TOX2: variants seen among roughly 807,000 people sequenced by gnomAD.
TOX2 encodes TOX high mobility group box family member 2.
TOX2 carries 15 observed loss-of-function variants against 47.4 expected under a neutral mutation model. The observed-to-expected ratio is 0.32, with a 90% CI of 0.21 to 0.49. The LOEUF (loss-of-function observed/expected upper bound fraction) is 0.49. Among genes scored for constraint, TOX2 ranks in the 20% least tolerant of loss-of-function variants. The pLI is 0.99. For missense variants in TOX2, 622 were observed against 673.1 expected (o/e 0.92, Z 0.84); for synonymous variants, 290 against 296.6 (o/e 0.98, Z 0.23).
Position 43,915,323 on chromosome 20 carries a change from A to G in TOX2, c.99+333A>G, listed in dbSNP as rs1376558065. Among the ~76,000 whole-genome samples, 1 of 152,130 alleles carries G rather than the reference A, an allele frequency of 6.6e-6. No individual in the cohort carries two copies. Among genetic ancestry groups the G allele is most frequent in the Non-Finnish European group, 1.5e-5 (1 of 68,006 alleles). ...TTACACGGTCCCGCCGTCCCACGCAAGTCACCCTGACAGTCACTTATACAC... is the reference window on the plus strand; with the variant it reads ...TTACACGGTCCCGCCGTCCCACGCAGGTCACCCTGACAGTCACTTATACAC... On this transcript the variant is annotated intron_variant, in intron 1 of 8. Coordinates refer to ENST00000341197, the MANE Select transcript of TOX2 (RefSeq NM_001098797.2). The surrounding 1 kb of genome is among the most constrained non-coding windows in gnomAD (Gnocchi z 7.1).
rs745489872 is a variant in TOX2 at position 43,951,707 on chromosome 20, G to GGTTTTTTTTTTTTTTTTTTTTTTTTT, written c.100-21660_100-21659insGTTTTTTTTTTTTTTTTTTTTTTTTT. On this transcript the variant is annotated intron_variant, in intron 1 of 8. Transcript: ENST00000341197. Reference sequence around the variant, plus strand: ...TGACCATTACTATTAAACTTATTATGTTTTTTTTTTTTTTTTTTTTTAGAG... The same window carrying GGTTTTTTTTTTTTTTTTTTTTTTTTT: ...TGACCATTACTATTAAACTTATTATGGTTTTTTTTTTTTTTTTTTTTTTTTTTTTTTTTTTTTTTTTTTTTTTAGAG... Among the ~76,000 whole-genome samples, 18 of 55,090 alleles carry GGTTTTTTTTTTTTTTTTTTTTTTTTT rather than the reference G, an allele frequency of 3.3e-4. 2 individuals are homozygous for GGTTTTTTTTTTTTTTTTTTTTTTTTT. The highest frequency in any genetic ancestry group is 2.1e-3 in the East Asian group (4 of 1,890). The allele number at this position is 55,090 out of a possible 152,430, so 36.1% of individuals were successfully genotyped here. A position where few individuals can be genotyped will look rare whatever the true frequency, so the allele number is the denominator to read the frequency against.
intron 1 of TOX2, among the ~76,000 whole-genome samples, chr20:43,946,568 C>T (rs934068330): frequency 2.6e-5 from 4 of 152,198 alleles, no homozygotes; most frequent in African/African-American, 9.7e-5. Flanking sequence ...ATAAAAATTT[C>T]TTGCCAAATT....
chr20:43,981,158 T>C (rs1222710959), intron 2 of TOX2, among the ~76,000 whole-genome samples: 1 of 152,226 alleles, frequency 6.6e-6, no homozygotes, highest in Non-Finnish European at 1.5e-5. Flanking sequence ...ATCCAAAGGT[T>C]TGATAACACA....
chr20:43,972,538 C>T (rs995852643), intron 1 of TOX2, among the ~76,000 whole-genome samples: 1 of 152,128 alleles, frequency 6.6e-6, no homozygotes. Context: ...GAATTAAGTC[C>T]TCTCCATATT....
At chr20:44,038,987 C>T (rs548682470) in intron 3 of TOX2, 89 of 1,196,270 alleles carry the variant, frequency 7.4e-5, no homozygotes, top group African/African-American at 6.8e-4. Flanking sequence ...AGATGTGGCT[C>T]GGGAGCGTGG....
At chr20:44,004,773 C>T (rs2070649979) in intron 2 of TOX2, among the ~76,000 whole-genome samples, 2 of 152,232 alleles carry the variant, frequency 1.3e-5, no homozygotes, top group Admixed American at 1.3e-4. Flanking sequence ...CAGTGACCTT[C>T]ACTATTTTAA....
rs1452588051 is a variant in TOX2, at chr20:43,916,005, G to A, written c.99+1015G>A. Reference sequence around the variant, plus strand: ...TGGATGGGTTGGGTGCCTCTAAGCAGTCCGCGTCCCCTTCGGTCGCCGGAG... The same window carrying A: ...TGGATGGGTTGGGTGCCTCTAAGCAATCCGCGTCCCCTTCGGTCGCCGGAG... On this transcript the variant is annotated intron_variant, in intron 1 of 8. Transcript: ENST00000341197. The surrounding 1 kb of genome is among the most constrained non-coding windows in gnomAD (Gnocchi z 5.0). The A allele has an allele frequency of 3.3e-6, 2 of 598,122 alleles. No individual in the cohort carries two copies. The highest frequency in any genetic ancestry group is 2.8e-4 in the East Asian group (2 of 7,102). The allele number at this position is 598,122 out of a possible 1,614,324, so 37.1% of individuals were successfully genotyped here. A position where few individuals can be genotyped will look rare whatever the true frequency, so the allele number is the denominator to read the frequency against.
rs962462859 is a variant in TOX2, at chr20:44,018,951, T to G, written c.411+12159T>G. ...GTGACCTTGGGTGAATTACTGTCTCTCTCAGAGCCTCAAGTAAGATGGAGC... is the reference window on the plus strand; with the variant it reads ...GTGACCTTGGGTGAATTACTGTCTCGCTCAGAGCCTCAAGTAAGATGGAGC... On this transcript the variant is annotated intron_variant, in intron 3 of 8. Coordinates refer to ENST00000341197, the MANE Select transcript of TOX2 (RefSeq NM_001098797.2). 4.2e-4 allele frequency among the ~76,000 whole-genome samples: 64 copies of G among 152,234 alleles called. 1 individual carries two copies. The highest frequency in any genetic ancestry group is 1.5e-3 in the African/African-American group (63 of 41,554).
chr20:43,945,940 G>A (rs746313641), intron 1 of TOX2: 36 of 1,613,638 alleles, frequency 2.2e-5, no homozygotes, highest in East Asian at 6.7e-5. Flanking sequence ...AGAGGCTGTC[G>A]CGGGCGCGTT....
In TOX2 at chr20:44,051,828, G is replaced by A. The variant is rs910627743; in HGVS notation, c.651+283G>A. ...CTGGTCAGGGGGGATGGCACCTATGGGGCTTTGTGGCATCGGGCTTTGGCT... is the reference window on the plus strand; with the variant it reads ...CTGGTCAGGGGGGATGGCACCTATGAGGCTTTGTGGCATCGGGCTTTGGCT... On this transcript the variant is annotated intron_variant, in intron 4 of 8. Transcript: ENST00000341197. Among the ~76,000 whole-genome samples the A allele has an allele frequency of 3.7e-4, 57 of 152,238 alleles. 1 individual carries two copies. The highest frequency in any genetic ancestry group is 1.3e-3 in the African/African-American group (53 of 41,466).
chr20:44,002,426 A>G (rs927965993), intron 2 of TOX2, among the ~76,000 whole-genome samples: 1 of 152,210 alleles, frequency 6.6e-6, no homozygotes, highest in African/African-American at 2.4e-5. Flanking sequence ...TAACGCTGAC[A>G]TCACTCACTG....
intron 1 of TOX2, among the ~76,000 whole-genome samples, chr20:43,955,650 C>T (rs1244796268): frequency 6.6e-6 from 1 of 152,194 alleles, no homozygotes. Flanking sequence ...ACTTTTCACT[C>T]ATCTCTGAGA....
intron 1 of TOX2, among the ~76,000 whole-genome samples, chr20:43,928,529 G>A (rs768274813): frequency 2.3e-4 from 35 of 152,216 alleles, no homozygotes; most frequent in Non-Finnish European, 4.6e-4. Flanking sequence ...CAGGATCAGC[G>A]AAGCACATCA....
chr20:43,941,814 G>C (rs890593965), intron 1 of TOX2, among the ~76,000 whole-genome samples: 1 of 152,148 alleles, frequency 6.6e-6, no homozygotes, highest in African/African-American at 2.4e-5. Context: ...AGGATGGGAG[G>C]TTCCTGAGTC....
chr20:44,042,800 T>C (rs774708737), intron 3 of TOX2, among the ~76,000 whole-genome samples: 2 of 152,204 alleles, frequency 1.3e-5, no homozygotes, highest in Non-Finnish European at 2.9e-5. Context: ...TTAAGGAGGA[T>C]AGTAGCCTGG....
At chr20:43,939,448 T>G (rs2069372878) in intron 1 of TOX2, among the ~76,000 whole-genome samples, 1 of 152,138 alleles carries the variant, frequency 6.6e-6, no homozygotes, top group African/African-American at 2.4e-5. Context: ...CCAAGCATGC[T>G]CCACTGCACT....
At chr20:43,945,965 G>T in intron 1 of TOX2, 1 of 1,614,110 alleles carries the variant, frequency 6.2e-7, no homozygotes. Flanking sequence ...CGCTGCCTGG[G>T]CTTCTGTGGA....
intron 2 of TOX2, among the ~76,000 whole-genome samples, chr20:43,978,501 A>G (rs938642591): frequency 1.3e-5 from 2 of 151,412 alleles, no homozygotes; most frequent in Admixed American, 6.6e-5. Flanking sequence ...TTTACCATAT[A>G]TAATGCTTTG....
rs1271887268 is a variant in TOX2, at chr20:44,046,422, CAG to C, written c.412-4882_412-4881del. 2.6e-5 allele frequency among the ~76,000 whole-genome samples: 4 copies of C among 152,166 alleles called. No individual in the cohort carries two copies. The East Asian group carries it at 5.8e-4, about 22-fold the overall frequency. ...TGGTGGTTTCTTAAAAATTAAAAAA[CAG>C]AATTACTATATGATACGGCAATTGG... is the stretch of plus-strand genomic sequence containing the variant. On this transcript the variant is annotated intron_variant, in intron 3 of 8. Coordinates refer to ENST00000341197, the MANE Select transcript of TOX2 (RefSeq NM_001098797.2).
Sources: gnomAD v4.1 joint callset for allele counts (sites outside exome capture counted in the v4.1 genomes callset) on GRCh38, gnomAD v4.1.1 for gene constraint, Gnocchi (gnomAD v3.1) non-coding constraint, MANE v1.5 for transcripts, NCBI Gene and HGNC (gene_info 2026-07-23, HGNC 2026-07-21) for gene names.